SUPT3H: variants seen among roughly 807,000 people sequenced by gnomAD.
The protein encoded by SUPT3H is transcription initiation protein SPT3 homolog.
A neutral mutation model predicts 44.3 loss-of-function variants in SUPT3H; 44 were observed. The observed-to-expected ratio is 0.99, with a 90% CI of 0.78 to 1.28. The LOEUF is 1.28. Among genes scored for constraint, SUPT3H ranks in the 50% most tolerant of loss-of-function variants. The pLI, the probability that SUPT3H is intolerant of heterozygous loss-of-function variation, is 0.00. For missense variants in SUPT3H, 380 were observed against 387.1 expected (o/e 0.98, Z 0.15); for synonymous variants, 124 against 125.6 (o/e 0.99, Z 0.09).
intron 2 of SUPT3H, chr6:45,197,638 A>C (rs1254473453): frequency 8.4e-6 from 3 of 356,620 alleles, no homozygotes; most frequent in Non-Finnish European, 1.7e-5. Flanking sequence ...TATTTGCAGA[A>C]AAAAATTGAC....
At chr6:44,932,847 A>G in intron 9 of SUPT3H, 84 bp from the exon 10 acceptor site, 1 of 840,982 alleles carries the variant, frequency 1.2e-6, no homozygotes, top group Admixed American at 3.7e-5. Context: ...ATAAACCTTT[A>G]CAAAAGAGAC....
intron 3 of SUPT3H, among the ~76,000 whole-genome samples, chr6:45,028,067 T>C (rs1338076845): frequency 2.0e-5 from 3 of 152,240 alleles, no homozygotes; most frequent in Non-Finnish European, 2.9e-5. Flanking sequence ...TGTATGTTCT[T>C]GTCCTTTACA....
At chr6:45,311,708 G>A (rs1029787208) in intron 2 of SUPT3H, among the ~76,000 whole-genome samples, 8 of 152,016 alleles carry the variant, frequency 5.3e-5, no homozygotes, top group South Asian at 2.1e-4. Flanking sequence ...TGTATCCAGC[G>A]AAACTAAACA....
At chr6:45,289,330 C>T (rs933460357) in intron 2 of SUPT3H, among the ~76,000 whole-genome samples, 4 of 151,930 alleles carry the variant, frequency 2.6e-5, no homozygotes, top group African/African-American at 4.8e-5. Context: ...TTAATAAATT[C>T]TAATGACAAA....
chr6:44,854,115 T>C (rs897351451), intron 10 of SUPT3H, among the ~76,000 whole-genome samples: 2 of 152,144 alleles, frequency 1.3e-5, no homozygotes, highest in Admixed American at 1.3e-4. Context: ...CATTCAGTCA[T>C]TTAAACAGAT....
chr6:45,282,601 A>G (rs1276098841), intron 2 of SUPT3H, among the ~76,000 whole-genome samples: 4 of 152,228 alleles, frequency 2.6e-5, no homozygotes, highest in Non-Finnish European at 4.4e-5. Flanking sequence ...GACCAAATCT[A>G]CATCTGATTG....
chr6:44,909,132 TGTGTGTGTGC>T (rs941345882), intron 10 of SUPT3H, among the ~76,000 whole-genome samples: 3 of 107,688 alleles, frequency 2.8e-5, no homozygotes, highest in Admixed American at 2.2e-4. Flanking sequence ...GAGGTGTGTG[TGTGTGTGTGC>T]GTGTGTGTGT....
At chr6:44,904,582 T>C (rs1765667157) in intron 10 of SUPT3H, among the ~76,000 whole-genome samples, 1 of 152,088 alleles carries the variant, frequency 6.6e-6, no homozygotes, top group African/African-American at 2.4e-5. Flanking sequence ...ATCATGAAAA[T>C]GGCCATACTG....
intron 2 of SUPT3H, among the ~76,000 whole-genome samples, chr6:45,337,216 A>G (rs1468107082): frequency 6.6e-6 from 1 of 151,730 alleles, no homozygotes; most frequent in Non-Finnish European, 1.5e-5. Context: ...GCAAGACTAA[A>G]AAGAATCACA....
At chr6:45,161,657 ACC>A (rs1808994840) in intron 2 of SUPT3H, among the ~76,000 whole-genome samples, 2 of 152,046 alleles carry the variant, frequency 1.3e-5, no homozygotes, top group South Asian at 4.1e-4. Flanking sequence ...CTCCCTCCAT[ACC>A]GTAAAGCTGC....
intron 6 of SUPT3H, among the ~76,000 whole-genome samples, chr6:44,993,361 T>C (rs1440919727): frequency 1.3e-5 from 2 of 151,776 alleles, no homozygotes; most frequent in African/African-American, 4.8e-5. Context: ...TACAGAAAAA[T>C]AGGGATCTAG....
At chr6:44,821,853 T>C (rs1767343841), downstream of SUPT3H, among the ~76,000 whole-genome samples, 1 of 152,182 alleles carries the variant, frequency 6.6e-6, no homozygotes. Flanking sequence ...GCAATTATGA[T>C]AAAGTACAGA....
chr6:45,281,903 G>A lies in SUPT3H; in HGVS notation c.101+83298C>T, dbSNP rs553756657. ...TCTGAGACAAAACTTCCAGAGGAAC[G>A]ATCAGGCAACAACATTTGCTGCTCA... On this transcript the variant is annotated intron_variant, in intron 2 of 10. Coordinates refer to ENST00000371459, the MANE Select transcript of SUPT3H (RefSeq NM_003599.4). Among the ~76,000 whole-genome samples, 23 of 152,268 alleles carry A rather than the reference G, an allele frequency of 1.5e-4. No individual in the cohort carries two copies. The East Asian group carries it at 2.3e-3, about 15-fold the overall frequency.
intron 3 of SUPT3H, among the ~76,000 whole-genome samples, chr6:45,039,582 C>A (rs149394802): frequency 0.018 from 2,666 of 152,124 alleles, 52 homozygotes; most frequent in South Asian, 0.085. Context: ...GAGTTCGAGA[C>A]CAGCCAGGCC....
chr6:44,902,997 A>C (rs1391934866), intron 10 of SUPT3H, among the ~76,000 whole-genome samples: 2 of 152,178 alleles, frequency 1.3e-5, no homozygotes, highest in Non-Finnish European at 2.9e-5. Flanking sequence ...ACAAAGACAC[A>C]ACATACCAGA....
chr6:45,020,668 A>G (rs772754187), intron 3 of SUPT3H, 36 bp from the exon 4 acceptor site: 15 of 1,490,610 alleles, frequency 1.0e-5, no homozygotes, highest in African/African-American at 4.2e-5. Flanking sequence ...TTTTCTCAGT[A>G]ACACAAATTA....
At chr6:45,125,848 G>A (rs943420035) in intron 2 of SUPT3H, among the ~76,000 whole-genome samples, 5 of 150,844 alleles carry the variant, frequency 3.3e-5, no homozygotes, top group African/African-American at 1.2e-4. Context: ...AAATCTTTCT[G>A]GTTTTAAAAG....
At chr6:44,961,720 C>A (rs1268763480) in intron 7 of SUPT3H, 33 bp downstream of exon 7, 1 of 1,496,850 alleles carries the variant, frequency 6.7e-7, no homozygotes, top group Non-Finnish European at 9.2e-7. Context: ...ATCTCTTATG[C>A]ATATAATTAA....
chr6:44,814,216 A>G lies in SUPT3H; in HGVS notation c.*53-4715T>C, dbSNP rs112304019. Among the ~76,000 whole-genome samples, 220 of 152,338 alleles carry G rather than the reference A, an allele frequency of 1.4e-3. 1 individual carries two copies. The highest frequency in any genetic ancestry group is 0.01 in the Middle Eastern group (3 of 294). Reference sequence around the variant, plus strand: ...CATTTTATAATGCAAAACTTTAGGAAAAGAGAAATGTCCAAAAATAGGATA... The same window carrying G: ...CATTTTATAATGCAAAACTTTAGGAGAAGAGAAATGTCCAAAAATAGGATA... On this transcript the variant is annotated intron_variant and NMD_transcript_variant, in intron 11 of 11. Coordinates refer to the SUPT3H transcript ENST00000475057.
Sources: gnomAD v4.1 joint callset for allele counts (sites outside exome capture counted in the v4.1 genomes callset) on GRCh38, gnomAD v4.1.1 for gene constraint, MANE v1.5 for transcripts, NCBI Gene and HGNC (gene_info 2026-07-23, HGNC 2026-07-21) for gene names.